BLM: variants seen among roughly 807,000 people sequenced by gnomAD.
The protein encoded by BLM is BLM RecQ like helicase.
Under a neutral mutation model 135.3 loss-of-function variants are expected in BLM, and 95 were observed. That is an observed-to-expected ratio of 0.70 (90% CI 0.59 to 0.83). BLM has a LOEUF of 0.83. BLM is among the 40% of genes least tolerant of loss of function. The probability of loss-of-function intolerance (pLI) is 0.00; values close to 1 mark genes in which losing one functional copy is unlikely to be tolerated. For missense variants in BLM, 1,518 were observed against 1,663.9 expected (o/e 0.91, Z 1.53); for synonymous variants, 520 against 589.2 (o/e 0.88, Z 1.70).
At chr15:90,730,930 G>C (rs890967729) in intron 1 of BLM, among the ~76,000 whole-genome samples, 1 of 151,416 alleles carries the variant, frequency 6.6e-6, no homozygotes, top group Non-Finnish European at 1.5e-5. Context: ...ACTTGGTCTC[G>C]GTATTTTTTA....
chr15:90,743,721 T>A (rs1349749477), intron 1 of BLM, among the ~76,000 whole-genome samples: 1 of 152,184 alleles, frequency 6.6e-6, no homozygotes, highest in Non-Finnish European at 1.5e-5. Flanking sequence ...GTCCAACAAT[T>A]GTATCGATAT....
Position 90,747,136 on chromosome 15 carries a change from G to C in BLM, c.-4-253G>C, listed in dbSNP as rs2238335. On this transcript the variant is annotated intron_variant, in intron 1 of 21. Transcript: ENST00000355112. ...TATTTTAGCATTGTGGAGGAAGAGA[G>C]GGGGAACCTGGTTATTCTGTTATTC... 0.072 allele frequency among the ~76,000 whole-genome samples: 10,903 copies of C among 151,248 alleles called. 718 individuals carry two copies. Among genetic ancestry groups the C allele is most frequent in the African/African-American group, 0.18 (7,231 of 41,142 alleles).
intron 18 of BLM, 64 bp downstream of exon 18, chr15:90,803,784 A>C: frequency 6.7e-7 from 1 of 1,488,138 alleles, no homozygotes; most frequent in Non-Finnish European, 9.4e-7. Flanking sequence ...TATTATTGTG[A>C]AGTATAGTGT....
At chr15:90,765,629 C>T (rs1017611901) in intron 9 of BLM, among the ~76,000 whole-genome samples, 1 of 152,146 alleles carries the variant, frequency 6.6e-6, no homozygotes, top group Non-Finnish European at 1.5e-5. Context: ...AACTTTTAAC[C>T]AATGCTATTT....
chr15:90,794,063 CTTAT>C, intron 15 of BLM, 100 bp from the exon 16 acceptor site: 1 of 767,070 alleles, frequency 1.3e-6, no homozygotes. Flanking sequence ...CAGTAATTTT[CTTAT>C]TTAATATTTA....
intron 1 of BLM, among the ~76,000 whole-genome samples, chr15:90,723,460 T>G (rs552582314): frequency 5.8e-4 from 88 of 151,760 alleles, no homozygotes; most frequent in African/African-American, 2.1e-3. Flanking sequence ...TCAAGACCAG[T>G]CTGGCAACAA....
At chr15:90,780,973 C>G (rs1404804761) in intron 12 of BLM, among the ~76,000 whole-genome samples, 2 of 152,196 alleles carry the variant, frequency 1.3e-5, no homozygotes, top group Non-Finnish European at 1.5e-5. Flanking sequence ...GGCCCTAGAA[C>G]CAATCCCCCA....
In BLM at chr15:90,815,027, T is replaced by C. The variant is rs767584002; in HGVS notation, c.4077-75T>C. 2.6e-4 allele frequency: 365 copies of C among 1,411,176 alleles called. 1 individual carries two copies. Among genetic ancestry groups the C allele is most frequent in the Non-Finnish European group, 3.3e-4 (335 of 1,027,982 alleles). 87.4% of individuals were successfully genotyped at this position (1,411,176 alleles called of 1,614,324 possible). On this transcript the variant is annotated intron_variant, in intron 21 of 21. Coordinates refer to ENST00000355112, the MANE Select transcript of BLM (RefSeq NM_000057.4). The surrounding 1 kb of genome is among the most constrained non-coding windows in gnomAD (Gnocchi z 4.6). ...GCCCAGGGAAGTGGTATTGTAGCTC[T>C]GTGCAGGTTGAGAGGAAGGTCATTC... is the stretch of plus-strand genomic sequence containing the variant.
intron 12 of BLM, among the ~76,000 whole-genome samples, chr15:90,779,175 G>A (rs1052717500): frequency 4.6e-5 from 7 of 152,086 alleles, no homozygotes; most frequent in East Asian, 1.9e-4. Context: ...ATGAGCCACC[G>A]TGCCCAGCCT....
At chr15:90,771,595 A>ATTTTT (rs760752305) in intron 12 of BLM, among the ~76,000 whole-genome samples, 1 of 125,296 alleles carries the variant, frequency 8.0e-6, no homozygotes, top group South Asian at 2.4e-4. Flanking sequence ...TTGATCTATA[A>ATTTTT]TTTTTTTTTT....
Position 90,733,746 on chromosome 15 carries a change from AT to A in BLM, c.-4-13642del, listed in dbSNP as rs1380987254. On this transcript the variant is annotated intron_variant, in intron 1 of 21. Transcript: ENST00000355112. ...CATCACCATAATTCAGTTAATGAAC[AT>A]ATCCATCACTCTCAAAAGTTTCCTC... Among the ~76,000 whole-genome samples, 554 of 152,346 alleles carry A rather than the reference AT, an allele frequency of 3.6e-3. 2 individuals carry two copies. The highest frequency in any genetic ancestry group is 0.013 in the African/African-American group (524 of 41,584).
rs11366266 is a variant in BLM, at chr15:90,787,036, CTTTTTTTTTT to C, written c.2823+1976_2823+1985del. Among the ~76,000 whole-genome samples, 166 of 57,988 alleles carry C rather than the reference CTTTTTTTTTT, an allele frequency of 2.9e-3. 1 individual carries two copies. The highest frequency in any genetic ancestry group is 0.014 in the African/African-American group (162 of 11,838). 38.0% of individuals were successfully genotyped at this position (57,988 alleles called of 152,430 possible). ...AAAGCTGAAAATACTTTAGGCATCT[CTTTTTTTTTT>C]TTTTTTTTTTTTTTTTTTTTGAGAC... On this transcript the variant is annotated intron_variant, in intron 14 of 21. Transcript: ENST00000355112.
rs374965438 is a variant in BLM at position 90,761,236 on chromosome 15, G to A, written c.1863G>A (p.Glu621=). 1.2e-5 allele frequency: 18 copies of A among 1,535,178 alleles called. No homozygotes were observed. Among genetic ancestry groups the A allele is most frequent in the Middle Eastern group, 1.7e-4 (1 of 5,772 alleles). The change falls in exon 7 of 22, where the codon GAG becomes GAA. Residue 621 remains glutamate, a synonymous_variant. Coordinates refer to ENST00000355112, the MANE Select transcript of BLM (RefSeq NM_000057.4). ...SSTAQNINFS[E]SIQNYTDKSA... ...CTGCTCAAAATATAAACTTCTCAGA[G>A]TCAATTCAGAATTATACTGGTAAGT...
intron 2 of BLM, among the ~76,000 whole-genome samples, chr15:90,748,689 C>T (rs895115776): frequency 3.9e-5 from 6 of 152,018 alleles, no homozygotes; most frequent in Non-Finnish European, 8.8e-5. Context: ...CAGTTTTTAA[C>T]TCTTTTTCCC....
chr15:90,792,093 T>C (rs28461473), intron 15 of BLM, among the ~76,000 whole-genome samples: 1,029 of 95,844 alleles, frequency 0.011, 5 homozygotes, highest in Middle Eastern at 0.015. Context: ...CTTTTTTTTT[T>C]CTTTTTTTTT....
At chr15:90,811,557 G>A (rs1897422257) in intron 21 of BLM, 151 bp downstream of exon 21, 1 of 931,532 alleles carries the variant, frequency 1.1e-6, no homozygotes, top group East Asian at 2.6e-5. Context: ...TGACAATTAA[G>A]GTTTGATCCA....
intron 12 of BLM, among the ~76,000 whole-genome samples, chr15:90,781,095 G>A (rs1896606279): frequency 6.6e-6 from 1 of 152,194 alleles, no homozygotes; most frequent in African/African-American, 2.4e-5. Flanking sequence ...CTGAGGAAGT[G>A]GGCGGGAGGA....
chr15:90,760,389 G>C, intron 6 of BLM, 110 bp downstream of exon 6: 1 of 1,421,208 alleles, frequency 7.0e-7, no homozygotes, highest in South Asian at 1.2e-5. Context: ...AATGGCATAA[G>C]GATGATCATC....
In BLM at chr15:90,749,800, G is replaced by A. The variant is rs1191794374; in HGVS notation, c.532G>A (p.Val178Ile). 2 of 1,610,104 alleles carry A rather than the reference G, an allele frequency of 1.2e-6. No homozygotes were observed. The highest frequency in any genetic ancestry group is 1.7e-6 in the Non-Finnish European group (2 of 1,177,988). The change falls in exon 3 of 22, where the codon GTA becomes ATA. Residue 178 changes from valine to isoleucine, a missense_variant. Physicochemically the swap from Val to Ile is conservative, Grantham distance 29. Transcript: ENST00000355112. ...SFVTPPQSHF[V>I]RVSTAQKSKK... ...TGTTACACCACCCCAAAGTCACTTT[G>A]TAAGAGTAAGCACTGCTCAGAAATC...
Sources: gnomAD v4.1 joint callset for allele counts (sites outside exome capture counted in the v4.1 genomes callset) on GRCh38, gnomAD v4.1.1 for gene constraint, Gnocchi (gnomAD v3.1) non-coding constraint, MANE v1.5 for transcripts, NCBI Gene and HGNC (gene_info 2026-07-23, HGNC 2026-07-21) for gene names.